Variants in SP3 observed in about 807,000 individuals in gnomAD.
SP3 encodes the protein transcription factor Sp3.
SP3 carries 10 observed loss-of-function variants against 70.3 expected under a neutral mutation model. The observed-to-expected ratio is 0.14, with a 90% CI of 0.09 to 0.24. The LOEUF is 0.24. SP3 is among the 10% of genes least tolerant of loss of function. The pLI is 1.00. For missense variants in SP3, 825 were observed against 914.6 expected, an observed-to-expected ratio of 0.90 and a Z score of 1.26; for synonymous variants, 402 against 333.5, an observed-to-expected ratio of 1.21 and a Z score of -2.24.
At position 173,919,639 on chromosome 2, in the gene SP3, A is replaced by T. The variant is rs4366960; in HGVS notation, c.1640-854T>A. On this transcript the variant is annotated intron_variant, in intron 4 of 6. Transcript: ENST00000310015. ...CATTGTTAAATATCAGGGAAATAAA[A>T]ATTTAATTCACAATGAGATATCATT... 6.5e-3 allele frequency among the ~76,000 whole-genome samples: 995 copies of T among 152,314 alleles called. 17 individuals carry two copies. Among genetic ancestry groups the T allele is most frequent in the East Asian group, 0.038 (195 of 5,186 alleles).
intron 5 of SP3, chr2:173,915,779 A>C (rs1306892309): frequency 1.3e-5 from 2 of 152,124 alleles, no homozygotes; most frequent in East Asian, 1.9e-4. Context: ...TCACTAGGTT[A>C]TCTCTCACTA....
Position 173,901,695 on chromosome 2 carries a change from C to CTTT in SP3, c.*8243_*8245dup, listed in dbSNP as rs34329180. ...GGGAAACAGTTAGTTGGACTTAAGC[C>CTTT]TTTTTTTTTTTTTTTTTTTTTTTTG... On this transcript the variant is annotated 3_prime_UTR_variant, in exon 7 of 7. Transcript: ENST00000310015. Among the ~76,000 whole-genome samples the CTTT allele has an allele frequency of 6.2e-3, 462 of 74,946 alleles. 5 individuals are homozygous for CTTT. The highest frequency in any genetic ancestry group is 8.9e-3 in the Non-Finnish European group (369 of 41,246). The allele number at this position is 74,946 out of a possible 152,430, so 49.2% of individuals were successfully genotyped here.
At chr2:173,916,340 C>G (rs1274437251) in intron 5 of SP3, 1 of 151,820 alleles carries the variant, frequency 6.6e-6, no homozygotes, top group Non-Finnish European at 1.5e-5. Context: ...AAAGGCTGAC[C>G]AACTTTAATT....
chr2:173,963,540 G>C (rs898187840), intron 3 of SP3, among the ~76,000 whole-genome samples: 2 of 152,182 alleles, frequency 1.3e-5, no homozygotes, highest in African/African-American at 4.8e-5. Flanking sequence ...ATTTTGTGAA[G>C]ATTTTGCGCG....
chr2:173,923,914 T>C (rs1342464425), intron 4 of SP3, among the ~76,000 whole-genome samples: 1 of 152,092 alleles, frequency 6.6e-6, no homozygotes, highest in Non-Finnish European at 1.5e-5. Flanking sequence ...ATTCCTCAGA[T>C]TCCTATGGAT....
intron 4 of SP3, among the ~76,000 whole-genome samples, chr2:173,929,645 A>G (rs1191816753): frequency 6.6e-6 from 1 of 152,200 alleles, no homozygotes; most frequent in African/African-American, 2.4e-5. Context: ...GAATGCTCTG[A>G]CTGACCCTTG....
chr2:173,955,660 C>T lies in SP3; in HGVS notation c.852G>A (p.Gln284=). 1 of 1,614,200 alleles carries T rather than the reference C, an allele frequency of 6.2e-7. No homozygotes were observed. The highest frequency in any genetic ancestry group is 8.5e-7 in the Non-Finnish European group (1 of 1,180,036). Residue 284 remains glutamine (Q), a synonymous_variant, in exon 4 of 7, where the codon CAG becomes CAA. Transcript: ENST00000310015. ...LDSLGLSGSS[Q]TMTAGINADG... The stretch of plus-strand genomic sequence containing the variant: ...CGGCATTAATGCCTGCAGTCATTGT[C>T]TGAGAACTGCCCGAGAGTCCCAAAG...
chr2:173,917,543 T>C (rs770047611), intron 5 of SP3, among the ~76,000 whole-genome samples: 2 of 152,064 alleles, frequency 1.3e-5, no homozygotes, highest in Non-Finnish European at 2.9e-5. Context: ...TTATTATTAC[T>C]GGAAAGGGCT....
chr2:173,910,403 C>T, intron 6 of SP3, 146 bp from the exon 7 acceptor site: 1 of 618,216 alleles, frequency 1.6e-6, no homozygotes, highest in Non-Finnish European at 2.8e-6. Context: ...TTACGAGCTA[C>T]CCCTGCCAGA....
chr2:173,904,870 A>G lies in SP3; in HGVS notation c.*5071T>C, dbSNP rs1689273104. 6.6e-6 allele frequency among the ~76,000 whole-genome samples: 1 copy of G among 152,108 alleles called. No individual in the cohort carries two copies. The highest frequency in any genetic ancestry group is 2.1e-4 in the South Asian group (1 of 4,822). ...TTTTTGTGGGGGAAGGATGGAGGGG[A>G]GAAATAACTGCATTTCTCTGATGGC... On this transcript the variant is annotated 3_prime_UTR_variant, in exon 7 of 7. Transcript: ENST00000310015.
chr2:173,910,388 T>A (rs1035673523), intron 6 of SP3, 131 bp from the exon 7 acceptor site: 20 of 661,316 alleles, frequency 3.0e-5, no homozygotes, highest in African/African-American at 9.1e-5. Context: ...AAAATTGTAT[T>A]CATTTTACGA....
rs1167183765 is a variant in SP3, at chr2:173,909,807, T to A, written c.*134A>T. On this transcript the variant is annotated 3_prime_UTR_variant, in exon 7 of 7. Transcript: ENST00000310015. ...TATCATACAAAGTAAGGCATTTCAG[T>A]GTCATGTATAACCAAGTTACTGTCA... 1.5e-6 allele frequency: 1 copy of A among 653,580 alleles called. No homozygotes were observed. The highest frequency in any genetic ancestry group is 1.9e-5 in the African/African-American group (1 of 53,962). 40.5% of individuals were successfully genotyped at this position (653,580 alleles called of 1,614,324 possible).
upstream of SP3, chr2:173,965,563 C>T (rs370425165): frequency 1.8e-4 from 39 of 214,846 alleles, no homozygotes; most frequent in South Asian, 1.6e-3. Context: ...GGCTACGGCT[C>T]GCCGGTTACC....
At chr2:173,942,646 C>T (rs1445607554) in intron 4 of SP3, among the ~76,000 whole-genome samples, 1 of 152,176 alleles carries the variant, frequency 6.6e-6, no homozygotes, top group Non-Finnish European at 1.5e-5. Context: ...CCACTAGATT[C>T]TGATATTCCA....
At position 173,964,494 on chromosome 2, in the gene SP3, CGCCGCCGCT is replaced by C. The variant is rs1335695547; in HGVS notation, c.58_66del (p.Ser20_Gly22del). Reference sequence around the variant, plus strand: ...CCGTGGCCGCCGCCGCCGCCACCGCCGCCGCCGCTATCCACGTCCAAGGCAGCCATTTCC... The same window carrying C: ...CCGTGGCCGCCGCCGCCGCCACCGCCATCCACGTCCAAGGCAGCCATTTCC... On this transcript the variant is annotated inframe_deletion, in exon 2 of 7. Coordinates refer to ENST00000310015, the MANE Select transcript of SP3 (RefSeq NM_003111.5). 7 of 702,578 alleles carry C rather than the reference CGCCGCCGCT, an allele frequency of 1.0e-5. No homozygotes were observed. The highest frequency in any genetic ancestry group is 5.7e-5 in the East Asian group (2 of 35,292). The allele number at this position is 702,578 out of a possible 1,614,324, so 43.5% of individuals were successfully genotyped here. A position where few individuals can be genotyped will look rare whatever the true frequency, so the allele number is the denominator to read the frequency against.
intron 4 of SP3, among the ~76,000 whole-genome samples, chr2:173,920,159 T>G (rs1398373842): frequency 6.6e-6 from 1 of 152,156 alleles, no homozygotes; most frequent in Non-Finnish European, 1.5e-5. Flanking sequence ...TAAAGAAATT[T>G]TCATTTATAT....
intron 4 of SP3, among the ~76,000 whole-genome samples, chr2:173,938,369 G>C (rs1690265507): frequency 6.9e-6 from 1 of 144,106 alleles, no homozygotes; most frequent in African/African-American, 2.6e-5. Context: ...TGAGGCAGGA[G>C]AATCACTTGA....
At chr2:173,953,548 A>T (rs975169720) in intron 4 of SP3, among the ~76,000 whole-genome samples, 2 of 152,198 alleles carry the variant, frequency 1.3e-5, no homozygotes, top group African/African-American at 4.8e-5. Flanking sequence ...GTTTGTGACC[A>T]GCCTGGCCAA....
intron 6 of SP3, among the ~76,000 whole-genome samples, chr2:173,911,521 T>C (rs570202119): frequency 5.0e-4 from 76 of 152,312 alleles, no homozygotes; most frequent in African/African-American, 1.6e-3. Context: ...CACTAACTTA[T>C]AGATGCAAGC....
Sources: allele counts gnomAD v4.1 joint callset (sites outside exome capture counted in the v4.1 genomes callset), GRCh38; gene constraint gnomAD v4.1.1; transcripts MANE v1.5; gene names NCBI Gene and HGNC (gene_info 2026-07-23, HGNC 2026-07-21).